Variants in LHFPL3 observed in about 807,000 individuals in gnomAD.
LHFPL3 encodes the protein LHFPL tetraspan subfamily member 3.
Under a neutral mutation model 19.3 loss-of-function variants are expected in LHFPL3, and 5 were observed. The ratio of observed to expected loss-of-function variants is 0.26; its 90% CI spans 0.14 to 0.54. The LOEUF (loss-of-function observed/expected upper bound fraction) is 0.54. Among genes scored for constraint, LHFPL3 ranks in the 20% least tolerant of loss-of-function variants. The pLI, the probability that LHFPL3 is intolerant of heterozygous loss-of-function variation, is 0.94. For synonymous variants in LHFPL3, 133 were observed against 126.2 expected (o/e 1.05, Z -0.36); for missense variants, 249 against 307.4 (o/e 0.81, Z 1.42).
At chr7:104,522,053 C>G (rs1794075472) in intron 1 of LHFPL3, among the ~76,000 whole-genome samples, 1 of 151,898 alleles carries the variant, frequency 6.6e-6, no homozygotes, top group Non-Finnish European at 1.5e-5. Flanking sequence ...ACCCAAAGGA[C>G]TATAAATCAT....
At chr7:104,483,448 T>G (rs1793176134) in intron 1 of LHFPL3, among the ~76,000 whole-genome samples, 1 of 152,244 alleles carries the variant, frequency 6.6e-6, no homozygotes, top group Admixed American at 6.5e-5. Flanking sequence ...CTATGGACTT[T>G]TAAAACTACA....
intron 1 of LHFPL3, among the ~76,000 whole-genome samples, chr7:104,366,984 T>C (rs921275174): frequency 6.6e-6 from 1 of 152,194 alleles, no homozygotes; most frequent in East Asian, 1.9e-4. Flanking sequence ...GTTAATTATA[T>C]AGTTATGATA....
intron 1 of LHFPL3, among the ~76,000 whole-genome samples, chr7:104,678,002 G>T (rs1038033147): frequency 5.3e-5 from 8 of 152,180 alleles, no homozygotes; most frequent in Admixed American, 2.0e-4. Flanking sequence ...GACCTTGTTT[G>T]ATGCAAGAAC....
intron 1 of LHFPL3, among the ~76,000 whole-genome samples, chr7:104,513,124 C>A (rs1775620534): frequency 6.6e-6 from 1 of 152,136 alleles, no homozygotes; most frequent in African/African-American, 2.4e-5. Context: ...GCCAAGCTGA[C>A]CTTCATCCAC....
chr7:104,635,361 G>A (rs1337899138), intron 1 of LHFPL3, among the ~76,000 whole-genome samples: 1 of 151,882 alleles, frequency 6.6e-6, no homozygotes, highest in Non-Finnish European at 1.5e-5. Context: ...AATGAAGAAA[G>A]GTCTACTCAA....
intron 1 of LHFPL3, among the ~76,000 whole-genome samples, chr7:104,351,899 TA>T (rs1162887662): frequency 2.6e-5 from 4 of 152,176 alleles, no homozygotes; most frequent in African/African-American, 9.7e-5. Flanking sequence ...TTTTCTCTGT[TA>T]AGACCTAATA....
At position 104,824,010 on chromosome 7, in the gene LHFPL3, G is replaced by A. The variant is rs530429911; in HGVS notation, c.683-82177G>A. On this transcript the variant is annotated intron_variant, in intron 2 of 2. Coordinates refer to ENST00000424859, the MANE Select transcript of LHFPL3 (RefSeq NM_199000.3). ...AAAATACAAAAAATAGCCGGGCATG[G>A]TGGTGCATGCCTATAATCCCAGCTA... Among the ~76,000 whole-genome samples, 5 of 147,018 alleles carry A rather than the reference G, an allele frequency of 3.4e-5. No individual in the cohort carries two copies. The East Asian group carries it at 6.1e-4, about 18-fold the overall frequency.
At chr7:104,428,242 T>C (rs908145468) in intron 1 of LHFPL3, among the ~76,000 whole-genome samples, 5 of 152,168 alleles carry the variant, frequency 3.3e-5, no homozygotes, top group Admixed American at 3.3e-4. Flanking sequence ...TAATGCTAAG[T>C]TTTCTTCCAC....
At position 104,478,612 on chromosome 7, in the gene LHFPL3, G is replaced by A. The variant is rs1584347909; in HGVS notation, c.445+149388G>A. Among the ~76,000 whole-genome samples the A allele has an allele frequency of 2.0e-5, 3 of 152,132 alleles. No individual in the cohort carries two copies. The East Asian group carries it at 5.8e-4, about 29-fold the overall frequency. The stretch of plus-strand genomic sequence containing the variant: ...TGCTTATACCATCCATGTCTCTGGT[G>A]TGAAGATCCCTGGATCTTCTTTGAA... On this transcript the variant is annotated intron_variant, in intron 1 of 2. Coordinates refer to ENST00000424859, the MANE Select transcript of LHFPL3 (RefSeq NM_199000.3).
At chr7:104,687,724 A>G (rs1310186213) in intron 1 of LHFPL3, among the ~76,000 whole-genome samples, 1 of 152,246 alleles carries the variant, frequency 6.6e-6, no homozygotes, top group Non-Finnish European at 1.5e-5. Context: ...AGCATCTGGA[A>G]GCCAGAGCAT....
At chr7:104,844,752 CTTTT>C (rs955295666) in intron 2 of LHFPL3, among the ~76,000 whole-genome samples, 33 of 152,062 alleles carry the variant, frequency 2.2e-4, no homozygotes, top group African/African-American at 7.7e-4. Context: ...TCTTTTCTTT[CTTTT>C]TTGAGACGCA....
At chr7:104,713,376 TCA>T (rs1252795813) in intron 1 of LHFPL3, among the ~76,000 whole-genome samples, 2 of 152,196 alleles carry the variant, frequency 1.3e-5, no homozygotes, top group African/African-American at 4.8e-5. Flanking sequence ...TTTAATTGAC[TCA>T]CAGTTCCACA....
chr7:104,524,827 C>T (rs186064033), intron 1 of LHFPL3, among the ~76,000 whole-genome samples: 2 of 152,296 alleles, frequency 1.3e-5, no homozygotes, highest in Admixed American at 1.3e-4. Flanking sequence ...TAATCTCCTA[C>T]TATTTGTTCT....
intron 1 of LHFPL3, among the ~76,000 whole-genome samples, chr7:104,543,995 C>A (rs899734969): frequency 6.8e-6 from 1 of 147,856 alleles, no homozygotes; most frequent in Non-Finnish European, 1.5e-5. Context: ...ACCTATGTGA[C>A]AAACCTGCAT....
At chr7:104,601,219 G>A (rs1790959526) in intron 1 of LHFPL3, among the ~76,000 whole-genome samples, 1 of 152,206 alleles carries the variant, frequency 6.6e-6, no homozygotes, top group East Asian at 1.9e-4. Flanking sequence ...AGATGAAGGG[G>A]GAAGGAGTGG....
intron 1 of LHFPL3, among the ~76,000 whole-genome samples, chr7:104,616,416 G>A (rs1791341752): frequency 6.6e-6 from 1 of 152,140 alleles, no homozygotes; most frequent in African/African-American, 2.4e-5. Flanking sequence ...AAATGGTGCT[G>A]GGAAAACTGG....
chr7:104,528,869 A>G (rs1172300391), intron 1 of LHFPL3, among the ~76,000 whole-genome samples: 2 of 152,160 alleles, frequency 1.3e-5, no homozygotes, highest in African/African-American at 4.8e-5. Flanking sequence ...TTTTGGTGTA[A>G]GGGATAGGAA....
At chr7:104,811,757 A>G (rs747919415) in intron 2 of LHFPL3, among the ~76,000 whole-genome samples, 2 of 152,212 alleles carry the variant, frequency 1.3e-5, no homozygotes, top group Non-Finnish European at 2.9e-5. Flanking sequence ...ATGAATGCAT[A>G]TATTAAAGTT....
At chr7:104,538,816 C>T (rs768517891) in intron 1 of LHFPL3, among the ~76,000 whole-genome samples, 4 of 150,604 alleles carry the variant, frequency 2.7e-5, no homozygotes, top group Admixed American at 6.7e-5. Context: ...CAACTTTGCA[C>T]GTGAGATTAA....
Sources: allele counts gnomAD v4.1 joint callset (sites outside exome capture counted in the v4.1 genomes callset), GRCh38; gene constraint gnomAD v4.1.1; transcripts MANE v1.5; gene names NCBI Gene and HGNC (gene_info 2026-07-23, HGNC 2026-07-21).